The following SLC44A1 variants were observed in gnomAD, a reference collection of about 807,000 sequenced individuals.
SLC44A1 encodes the protein choline transporter-like protein 1.
SLC44A1 carries 26 observed loss-of-function variants against 79.3 expected under a neutral mutation model. The observed-to-expected ratio is 0.33, with a 90% CI of 0.24 to 0.46. SLC44A1 has a LOEUF of 0.46. SLC44A1 is among the 20% of genes least tolerant of loss of function. The pLI is 1.00. For missense variants in SLC44A1, 688 were observed against 798.1 expected (o/e 0.86, Z 1.66); for synonymous variants, 263 against 286.2 (o/e 0.92, Z 0.82).
intron 15 of SLC44A1, among the ~76,000 whole-genome samples, chr9:105,427,171 G>A (rs114433948): frequency 0.016 from 2,362 of 152,246 alleles, 71 homozygotes; most frequent in African/African-American, 0.054. Flanking sequence ...GAGCTCAAGC[G>A]ATCTACTCGC....
rs1207500329 is a variant in SLC44A1 at position 105,389,235 on chromosome 9, C to A, written c.*179C>A. ...AGAGAAAAGGAACAGGGATTTAATACCTTTTTTATGCTTATTTTTGTCAAA... is the reference window on the plus strand; with the variant it reads ...AGAGAAAAGGAACAGGGATTTAATAACTTTTTTATGCTTATTTTTGTCAAA... On this transcript the variant is annotated 3_prime_UTR_variant, in exon 16 of 16. Coordinates refer to ENST00000374720, the MANE Select transcript of SLC44A1 (RefSeq NM_080546.5). 7.8e-7 allele frequency: 1 copy of A among 1,286,902 alleles called. No homozygotes were observed. Among genetic ancestry groups the A allele is most frequent in the Admixed American group, 3.4e-5 (1 of 29,302 alleles). The allele number at this position is 1,286,902 out of a possible 1,614,324, so 79.7% of individuals were successfully genotyped here.
chr9:105,379,568 A>T (rs1052501899), intron 13 of SLC44A1, among the ~76,000 whole-genome samples: 3 of 152,206 alleles, frequency 2.0e-5, no homozygotes, highest in Admixed American at 2.0e-4. Flanking sequence ...TTTAAATTCA[A>T]TTTTAAAACT....
At chr9:105,369,555 C>A (rs1828038932) in intron 12 of SLC44A1, among the ~76,000 whole-genome samples, 1 of 152,128 alleles carries the variant, frequency 6.6e-6, no homozygotes, top group Non-Finnish European at 1.5e-5. Flanking sequence ...AACATTCAGA[C>A]CATAGCATTC....
chr9:105,293,725 C>T (rs1830655827), intron 1 of SLC44A1, among the ~76,000 whole-genome samples: 1 of 152,188 alleles, frequency 6.6e-6, no homozygotes, highest in Admixed American at 6.5e-5. Flanking sequence ...TTACTATTAT[C>T]TGCAAATACA....
chr9:105,433,524 C>T (rs931498507), intron 15 of SLC44A1, among the ~76,000 whole-genome samples: 3 of 152,040 alleles, frequency 2.0e-5, no homozygotes, highest in African/African-American at 7.2e-5. Flanking sequence ...GAAGTTAAGA[C>T]AGATCTTAAG....
intron 2 of SLC44A1, among the ~76,000 whole-genome samples, chr9:105,299,560 A>G (rs1008030538): frequency 2.0e-5 from 3 of 152,220 alleles, no homozygotes; most frequent in Admixed American, 2.0e-4. Flanking sequence ...GTTGATCTTG[A>G]TAGAGTGGTG....
At chr9:105,319,198 AG>A (rs1273524113) in intron 3 of SLC44A1, among the ~76,000 whole-genome samples, 3 of 152,156 alleles carry the variant, frequency 2.0e-5, no homozygotes, top group African/African-American at 7.2e-5. Flanking sequence ...CCCAATTGCA[AG>A]ATCAGGGGTC....
chr9:105,327,084 T>G (rs1177738053), intron 3 of SLC44A1, among the ~76,000 whole-genome samples: 2 of 152,212 alleles, frequency 1.3e-5, no homozygotes, highest in Non-Finnish European at 1.5e-5. Flanking sequence ...AGTCATAAAG[T>G]TTTCTTCATT....
intron 5 of SLC44A1, among the ~76,000 whole-genome samples, chr9:105,351,588 GA>G (rs1827423303): frequency 8.0e-6 from 1 of 124,520 alleles, no homozygotes; most frequent in African/African-American, 3.6e-5. Flanking sequence ...AAGAGAGAAA[GA>G]GAGAAAGAGA....
chr9:105,259,979 G>A (rs1829803387), intron 1 of SLC44A1, among the ~76,000 whole-genome samples: 1 of 152,188 alleles, frequency 6.6e-6, no homozygotes, highest in South Asian at 2.1e-4. Flanking sequence ...TTCTGGGTGA[G>A]GAAGGATCTG....
rs367632441 is a variant in SLC44A1 at position 105,263,761 on chromosome 9, T to A, written c.36+18857T>A. On this transcript the variant is annotated intron_variant, in intron 1 of 15. Coordinates refer to ENST00000374720, the MANE Select transcript of SLC44A1 (RefSeq NM_080546.5). Reference sequence around the variant, plus strand: ...TATGTTGGCCAGGCTGGTCTTGAACTCCTGACCTCAGGTGATCCACCCGTC... The same window carrying A: ...TATGTTGGCCAGGCTGGTCTTGAACACCTGACCTCAGGTGATCCACCCGTC... Among the ~76,000 whole-genome samples, 9 of 152,204 alleles carry A rather than the reference T, an allele frequency of 5.9e-5. No homozygotes were observed. The East Asian group carries it at 1.7e-3, about 29-fold the overall frequency.
chr9:105,310,791 C>T (rs1588764356), intron 3 of SLC44A1, among the ~76,000 whole-genome samples: 1 of 152,240 alleles, frequency 6.6e-6, no homozygotes, highest in East Asian at 1.9e-4. Flanking sequence ...ATGTCACAAA[C>T]CTGAAGAAAT....
chr9:105,294,193 C>A (rs895373763), intron 1 of SLC44A1, among the ~76,000 whole-genome samples: 2 of 152,146 alleles, frequency 1.3e-5, no homozygotes, highest in Non-Finnish European at 2.9e-5. Context: ...AATATATTCA[C>A]ACACTTATTT....
At chr9:105,352,525 G>A (rs1259834197) in intron 5 of SLC44A1, among the ~76,000 whole-genome samples, 1 of 152,114 alleles carries the variant, frequency 6.6e-6, no homozygotes, top group Non-Finnish European at 1.5e-5. Context: ...TGTTCTTGTT[G>A]ACTGCTTCAG....
intron 15 of SLC44A1, among the ~76,000 whole-genome samples, chr9:105,404,715 A>C (rs780040504): frequency 6.6e-6 from 1 of 152,206 alleles, no homozygotes; most frequent in Non-Finnish European, 1.5e-5. Context: ...CTGATGCCTA[A>C]AGGAGACAGC....
intron 1 of SLC44A1, among the ~76,000 whole-genome samples, chr9:105,250,983 T>G (rs1397409968): frequency 6.6e-6 from 1 of 152,156 alleles, no homozygotes. Context: ...AGCCCTCGTG[T>G]GTCACCAAGT....
At chr9:105,422,378 T>A (rs1406953103) in intron 15 of SLC44A1, among the ~76,000 whole-genome samples, 1 of 143,072 alleles carries the variant, frequency 7.0e-6, no homozygotes, top group African/African-American at 2.6e-5. Flanking sequence ...AACCTCTGCA[T>A]CCCGGGTTCA....
chr9:105,324,545 G>A (rs976639901), intron 3 of SLC44A1, among the ~76,000 whole-genome samples: 5 of 152,038 alleles, frequency 3.3e-5, no homozygotes, highest in African/African-American at 4.8e-5. Flanking sequence ...GAGCCACCAC[G>A]CCTGGCCTCC....
intron 1 of SLC44A1, among the ~76,000 whole-genome samples, chr9:105,277,264 T>C (rs976518909): frequency 7.9e-5 from 12 of 152,206 alleles, no homozygotes; most frequent in African/African-American, 2.9e-4. Flanking sequence ...TAGATGTGTG[T>C]TGTGGATGAG....
Sources: gnomAD v4.1 joint callset for allele counts (sites outside exome capture counted in the v4.1 genomes callset) on GRCh38, gnomAD v4.1.1 for gene constraint, MANE v1.5 for transcripts, NCBI Gene and HGNC (gene_info 2026-07-23, HGNC 2026-07-21) for gene names.